The following BMPR2 variants were observed in gnomAD, a reference collection of about 807,000 sequenced individuals.
BMPR2 encodes the protein bone morphogenetic protein receptor type-2.
BMPR2 carries 29 observed loss-of-function variants against 100.8 expected under a neutral mutation model. That is an observed-to-expected ratio of 0.29 (90% CI 0.21 to 0.39). The LOEUF (loss-of-function observed/expected upper bound fraction) is 0.39, where lower values mean the gene tolerates loss of function less well. Among genes scored for constraint, BMPR2 ranks in the 10% least tolerant of loss-of-function variants. BMPR2 has a pLI of 1.00. For synonymous variants in BMPR2, 382 were observed against 442.3 expected (o/e 0.86, Z 1.71); for missense variants, 1,011 against 1,274.5 (o/e 0.79, Z 3.15).
intron 9 of BMPR2, among the ~76,000 whole-genome samples, chr2:202,540,734 G>A (rs1452033595): frequency 6.6e-6 from 1 of 152,194 alleles, no homozygotes; most frequent in African/African-American, 2.4e-5. Flanking sequence ...GAAGGCTGCA[G>A]ACATTGCCAT....
intron 1 of BMPR2, among the ~76,000 whole-genome samples, chr2:202,426,211 T>C (rs914771036): frequency 2.0e-5 from 3 of 152,168 alleles, no homozygotes; most frequent in Non-Finnish European, 4.4e-5. Context: ...TGGTGACCCA[T>C]AGGAAATAGA....
In BMPR2 at chr2:202,566,995, T is replaced by C. The variant is rs1688773387; in HGVS notation, c.*7049T>C. ...AGATAGGTCCCAGTTTAACACTGAA[T>C]TGCTTGACTTCTGTGGCTTTTCTTT... On this transcript the variant is annotated 3_prime_UTR_variant, in exon 13 of 13. Transcript: ENST00000374580. 6.6e-6 allele frequency: 1 copy of C among 152,226 alleles called. No homozygotes were observed. Among genetic ancestry groups the C allele is most frequent in the African/African-American group, 2.4e-5 (1 of 41,462 alleles). The allele number at this position is 152,226 out of a possible 1,614,324, so 9.4% of individuals were successfully genotyped here.
At chr2:202,542,168 C>G in intron 9 of BMPR2, 143 bp from the exon 10 acceptor site, 1 of 952,740 alleles carries the variant, frequency 1.0e-6, no homozygotes, top group Non-Finnish European at 1.6e-6. Context: ...TTAGGATTTC[C>G]AAATGTGCCT....
chr2:202,530,863 C>T lies in BMPR2; in HGVS notation c.1037C>T (p.Thr346Ile), dbSNP rs757926043. The T allele has an allele frequency of 2.5e-6, 4 of 1,613,660 alleles. No individual in the cohort carries two copies. Among genetic ancestry groups the T allele is most frequent in the African/African-American group, 1.3e-5 (1 of 74,850 alleles). The change falls in exon 8 of 13, where the codon ACC becomes ATC. Residue 346 changes from threonine to isoleucine, a missense_variant. Around this residue, in one of 6 missense-constraint regions of BMPR2, gnomAD observed 355 missense variants for 455.3 expected, o/e 0.78. Coordinates refer to ENST00000374580, the MANE Select transcript of BMPR2 (RefSeq NM_001204.7). The stretch of plus-strand genomic sequence containing the variant: ...AATGTCCTAGTGAAAAATGATGGAA[C>T]CTGTGTTATTAGTGACTTTGGACTG... ...SRNVLVKNDG[T>I]CVISDFGLSM... is the part of the protein sequence containing the mutation.
intron 1 of BMPR2, among the ~76,000 whole-genome samples, chr2:202,388,636 G>T (rs1422708988): frequency 1.3e-5 from 2 of 150,886 alleles, no homozygotes; most frequent in East Asian, 3.9e-4. Flanking sequence ...ATACAAAAAA[G>T]AATTAGTTGG....
intron 10 of BMPR2, among the ~76,000 whole-genome samples, chr2:202,547,318 G>A (rs755381744): frequency 6.6e-6 from 1 of 152,092 alleles, no homozygotes; most frequent in Non-Finnish European, 1.5e-5. Flanking sequence ...TGGGATTATA[G>A]GTATGAGCCC....
At chr2:202,485,128 A>G (rs1181060804) in intron 3 of BMPR2, among the ~76,000 whole-genome samples, 2 of 151,924 alleles carry the variant, frequency 1.3e-5, no homozygotes, top group East Asian at 1.9e-4. Context: ...CGCCCAGCCA[A>G]TGCCCTAATA....
Position 202,377,141 on chromosome 2 carries a change from T to C in BMPR2, c.-334T>C. On this transcript the variant is annotated 5_prime_UTR_variant, in exon 1 of 13. Transcript: ENST00000374580. Reference sequence around the variant, plus strand: ...TTTCTCCCAGACCTGGATATTTTTTTGATATCGTGAAACTACGAGGGAAAT... The same window carrying C: ...TTTCTCCCAGACCTGGATATTTTTTCGATATCGTGAAACTACGAGGGAAAT... 1 of 585,764 alleles carries C rather than the reference T, an allele frequency of 1.7e-6. No homozygotes were observed. Among genetic ancestry groups the C allele is most frequent in the Admixed American group, 3.1e-5 (1 of 32,540 alleles). 36.3% of individuals were successfully genotyped at this position (585,764 alleles called of 1,614,324 possible). A position where few individuals can be genotyped will look rare whatever the true frequency, so the allele number is the denominator to read the frequency against.
chr2:202,380,371 A>G (rs1006037522), intron 1 of BMPR2, among the ~76,000 whole-genome samples: 3 of 152,204 alleles, frequency 2.0e-5, no homozygotes, highest in Non-Finnish European at 2.9e-5. Context: ...CACACACATT[A>G]TATAAAGTAA....
chr2:202,494,800 CAT>C lies in BMPR2; in HGVS notation c.419-18916_419-18915del, dbSNP rs1004799406. Among the ~76,000 whole-genome samples, 136 of 152,330 alleles carry C rather than the reference CAT, an allele frequency of 8.9e-4. 1 individual carries two copies. The highest frequency in any genetic ancestry group is 3.1e-3 in the African/African-American group (128 of 41,572). On this transcript the variant is annotated intron_variant, in intron 3 of 12. Transcript: ENST00000374580. ...TCTTTTGCACGTACACGTGAATACACATATTGAAATATTTTTCCTGGCAGTTT... is the reference window on the plus strand; with the variant it reads ...TCTTTTGCACGTACACGTGAATACACATTGAAATATTTTTCCTGGCAGTTT...
At chr2:202,494,545 G>C (rs1467408659) in intron 3 of BMPR2, among the ~76,000 whole-genome samples, 2 of 152,170 alleles carry the variant, frequency 1.3e-5, no homozygotes, top group Non-Finnish European at 2.9e-5. Context: ...CTGCATTCAG[G>C]AAGTGTTTGC....
At position 202,463,638 on chromosome 2, in the gene BMPR2, A is replaced by T. The variant is rs1442403521; in HGVS notation, c.77-1171A>T. Among the ~76,000 whole-genome samples the T allele has an allele frequency of 2.0e-5, 3 of 152,248 alleles. No individual in the cohort carries two copies. The East Asian group carries it at 5.8e-4, about 29-fold the overall frequency. On this transcript the variant is annotated intron_variant, in intron 1 of 12. Coordinates refer to ENST00000374580, the MANE Select transcript of BMPR2 (RefSeq NM_001204.7). Reference sequence around the variant, plus strand: ...AAGCCTACTGTAAGAAATGAAATTAAAGATCAGATATTGCTTTCGATAACC... The same window carrying T: ...AAGCCTACTGTAAGAAATGAAATTATAGATCAGATATTGCTTTCGATAACC...
intron 3 of BMPR2, among the ~76,000 whole-genome samples, chr2:202,492,108 A>C (rs1692913612): frequency 6.6e-6 from 1 of 152,172 alleles, no homozygotes; most frequent in Non-Finnish European, 1.5e-5. Flanking sequence ...CTCAGCATTC[A>C]GTGATAGTAA....
chr2:202,528,189 T>G (rs1687954247), intron 7 of BMPR2, among the ~76,000 whole-genome samples: 2 of 152,120 alleles, frequency 1.3e-5, no homozygotes, highest in Admixed American at 6.5e-5. Context: ...CCTGTTTTTA[T>G]TTATTTATTT....
intron 1 of BMPR2, 21 bp from the exon 2 acceptor site, chr2:202,464,788 C>T (rs945836014): frequency 1.1e-5 from 17 of 1,598,298 alleles, no homozygotes; most frequent in Non-Finnish European, 1.4e-5. Flanking sequence ...ATTTGTCATT[C>T]CTTTATTTCC....
intron 3 of BMPR2, among the ~76,000 whole-genome samples, chr2:202,484,090 A>AGG (rs1692719100): frequency 6.6e-6 from 1 of 152,210 alleles, no homozygotes; most frequent in Admixed American, 6.5e-5. Context: ...CTATATAACT[A>AGG]ACCCAGAAGA....
At chr2:202,558,990 ATGCCAGG>A (rs1688633164) in intron 12 of BMPR2, among the ~76,000 whole-genome samples, 1 of 151,058 alleles carries the variant, frequency 6.6e-6, no homozygotes, top group Non-Finnish European at 1.5e-5. Flanking sequence ...AAAATATTGT[ATGCCAGG>A]TGCCTTTAAA....
At chr2:202,515,006 G>T in intron 5 of BMPR2, 27 bp downstream of exon 5, 1 of 1,585,580 alleles carries the variant, frequency 6.3e-7, no homozygotes, top group South Asian at 1.1e-5. Context: ...ATTATGGACT[G>T]TTGTTTCTAC....
At chr2:202,407,991 G>A (rs1690938459) in intron 1 of BMPR2, among the ~76,000 whole-genome samples, 1 of 151,546 alleles carries the variant, frequency 6.6e-6, no homozygotes, top group South Asian at 2.1e-4. Flanking sequence ...CCACCACCAC[G>A]CCTGGCTATT....
Sources: gnomAD v4.1 joint callset for allele counts (sites outside exome capture counted in the v4.1 genomes callset) on GRCh38, gnomAD v4.1.1 for gene constraint, gnomAD v4.1.1 regional missense constraint, MANE v1.5 for transcripts, NCBI Gene and HGNC (gene_info 2026-07-23, HGNC 2026-07-21) for gene names.